SDCCAG8: variants seen among roughly 807,000 people sequenced by gnomAD.
SDCCAG8 encodes SHH signaling and ciliogenesis regulator SDCCAG8, also known as serologically defined colon cancer antigen 8.
Under a neutral mutation model 101.8 loss-of-function variants are expected in SDCCAG8, and 74 were observed. That is an observed-to-expected ratio of 0.73 (90% CI 0.60 to 0.88). The LOEUF (loss-of-function observed/expected upper bound fraction) is 0.88, where lower values mean the gene tolerates loss of function less well. Among genes scored for constraint, SDCCAG8 ranks in the 40% least tolerant of loss-of-function variants. The pLI, the probability that SDCCAG8 is intolerant of heterozygous loss-of-function variation, is 0.00. For synonymous variants in SDCCAG8, 281 were observed against 292.9 expected (o/e 0.96, Z 0.41); for missense variants, 787 against 822.6 (o/e 0.96, Z 0.53).
intron 13 of SDCCAG8, among the ~76,000 whole-genome samples, chr1:243,397,031 G>C (rs2079072093): frequency 6.6e-6 from 1 of 152,200 alleles, no homozygotes; most frequent in Non-Finnish European, 1.5e-5. Context: ...TGCCAGAATA[G>C]CCCTGGCAGA....
intron 13 of SDCCAG8, among the ~76,000 whole-genome samples, chr1:243,411,066 T>A (rs1235328396): frequency 6.6e-6 from 1 of 152,192 alleles, no homozygotes; most frequent in Non-Finnish European, 1.5e-5. Flanking sequence ...TAAAGGTGGA[T>A]GTTCCTATTC....
intron 13 of SDCCAG8, among the ~76,000 whole-genome samples, chr1:243,404,758 C>G (rs1247741022): frequency 6.6e-6 from 1 of 152,112 alleles, no homozygotes; most frequent in African/African-American, 2.4e-5. Context: ...TTTCTGTATA[C>G]ATGCACATTG....
rs767930611 is a variant in SDCCAG8, at chr1:243,304,759, C to A, written c.722C>A (p.Ser241Tyr). The change falls in exon 7 of 18, where the codon TCC (serine) becomes TAC (tyrosine). Residue 241 changes from serine to tyrosine, a missense_variant. Physicochemically the swap from Ser to Tyr is moderately radical, Grantham distance 144 (BLOSUM62 -2). Transcript: ENST00000366541. ...GAGGAAAAGTGTGAAATTGAGGAATCCCAATTGAAGTTTTTGAGGTAAAGT... is the reference window on the plus strand; with the variant it reads ...GAGGAAAAGTGTGAAATTGAGGAATACCAATTGAAGTTTTTGAGGTAAAGT... ...TYEEKCEIEE[S>Y]QLKFLRNDLA... The A allele has an allele frequency of 2.5e-6, 4 of 1,592,402 alleles. No homozygotes were observed. In the East Asian group the frequency reaches 9.0e-5, roughly 36 times the overall value.
At chr1:243,438,875 C>G (rs1279360998) in intron 16 of SDCCAG8, among the ~76,000 whole-genome samples, 1 of 152,176 alleles carries the variant, frequency 6.6e-6, no homozygotes, top group Non-Finnish European at 1.5e-5. Context: ...CTCGCATTAT[C>G]CAACTACTTC....
intron 4 of SDCCAG8, among the ~76,000 whole-genome samples, chr1:243,276,109 G>A (rs988374862): frequency 1.3e-5 from 2 of 151,936 alleles, no homozygotes; most frequent in African/African-American, 4.8e-5. Context: ...TGATCCGTCC[G>A]CCTTGGTCTC....
chr1:243,320,067 C>A (rs933600001), intron 9 of SDCCAG8, among the ~76,000 whole-genome samples: 2 of 152,278 alleles, frequency 1.3e-5, no homozygotes, highest in Admixed American at 6.5e-5. Context: ...ATTCACTCTC[C>A]CAAATCTGCT....
In SDCCAG8 at chr1:243,489,126, C is replaced by T. The variant is rs369591883; in HGVS notation, c.2098C>T (p.Arg700Trp). ...GCAGAGCCTGTCGGAAGAGGTGGAC[C>T]GGCTGCGGACCCAGGTACTGTGCAG... ...ERQSLSEEVDRLRTQLPSMPQ... is the reference protein window; with the variant it reads ...ERQSLSEEVDWLRTQLPSMPQ... Residue 700 changes from arginine to tryptophan, a missense_variant, in exon 17 of 18, where the codon CGG (arginine) becomes TGG (tryptophan). Physicochemically the swap from Arg to Trp is moderately radical, Grantham distance 101. Coordinates refer to ENST00000366541, the MANE Select transcript of SDCCAG8 (RefSeq NM_006642.5). 32 of 1,612,414 alleles carry T rather than the reference C, an allele frequency of 2.0e-5. No individual in the cohort carries two copies. The highest frequency in any genetic ancestry group is 8.3e-5 in the Admixed American group (5 of 59,972).
At chr1:243,326,740 T>C (rs905309410) in intron 9 of SDCCAG8, among the ~76,000 whole-genome samples, 1 of 152,230 alleles carries the variant, frequency 6.6e-6, no homozygotes, top group Non-Finnish European at 1.5e-5. Flanking sequence ...CATAAGATCT[T>C]AATTCCTTAG....
At chr1:243,317,456 G>A (rs1364883468) in intron 9 of SDCCAG8, among the ~76,000 whole-genome samples, 1 of 152,050 alleles carries the variant, frequency 6.6e-6, no homozygotes, top group Non-Finnish European at 1.5e-5. Flanking sequence ...AAGTAGCTGG[G>A]ATTACAGACA....
chr1:243,394,188 A>G (rs1410914596), intron 13 of SDCCAG8, among the ~76,000 whole-genome samples: 2 of 151,990 alleles, frequency 1.3e-5, no homozygotes, highest in East Asian at 3.9e-4. Flanking sequence ...CAATTTATTC[A>G]TTTTGGAGGG....
intron 17 of SDCCAG8, among the ~76,000 whole-genome samples, chr1:243,497,137 A>G (rs1191691278): frequency 2.0e-5 from 3 of 152,212 alleles, no homozygotes; most frequent in Non-Finnish European, 4.4e-5. Context: ...CTTCCTGGAA[A>G]TAAGCATCGT....
At chr1:243,496,837 C>T (rs1001150355) in intron 17 of SDCCAG8, among the ~76,000 whole-genome samples, 2 of 152,194 alleles carry the variant, frequency 1.3e-5, no homozygotes, top group Admixed American at 6.5e-5. Flanking sequence ...GAGATGACTC[C>T]GATAGGATTT....
chr1:243,425,548 G>A (rs930394331), intron 15 of SDCCAG8, among the ~76,000 whole-genome samples: 3 of 151,564 alleles, frequency 2.0e-5, no homozygotes, highest in African/African-American at 7.3e-5. Context: ...GGAGTCTTCA[G>A]AAAACAATCC....
intron 12 of SDCCAG8, among the ~76,000 whole-genome samples, chr1:243,354,147 G>T (rs2076257205): frequency 6.6e-6 from 1 of 152,170 alleles, no homozygotes; most frequent in Admixed American, 6.5e-5. Flanking sequence ...TTATTTCCCA[G>T]TGAAGTGAGA....
At position 243,363,668 on chromosome 1, in the gene SDCCAG8, C is replaced by G. The variant is rs6668828; in HGVS notation, c.1474-15053C>G. 7.1e-3 allele frequency among the ~76,000 whole-genome samples: 1,085 copies of G among 152,310 alleles called. 13 individuals are homozygous for G. The highest frequency in any genetic ancestry group is 0.024 in the African/African-American group (1,001 of 41,570). Reference sequence around the variant, plus strand: ...TGTCCTAATCATTTACCCTATATCTCTCTGTTCTATGCCTATTTTATTTTT... The same window carrying G: ...TGTCCTAATCATTTACCCTATATCTGTCTGTTCTATGCCTATTTTATTTTT... On this transcript the variant is annotated intron_variant, in intron 12 of 17. Transcript: ENST00000366541.
intron 16 of SDCCAG8, among the ~76,000 whole-genome samples, chr1:243,484,063 C>T (rs140584909): frequency 2.3e-3 from 348 of 152,284 alleles, no homozygotes; most frequent in Non-Finnish European, 4.1e-3. Context: ...TGCATAGCTG[C>T]CTGGTGGGTG....
At position 243,275,856 on chromosome 1, in the gene SDCCAG8, G is replaced by GTTT. The variant is rs11344816; in HGVS notation, c.420+1226_420+1228dup. 2.2e-4 allele frequency among the ~76,000 whole-genome samples: 13 copies of GTTT among 59,158 alleles called. 1 individual carries two copies. Among genetic ancestry groups the GTTT allele is most frequent in the East Asian group, 9.7e-4 (2 of 2,066 alleles). 38.8% of individuals were successfully genotyped at this position (59,158 alleles called of 152,430 possible). A position where few individuals can be genotyped will look rare whatever the true frequency, so the allele number is the denominator to read the frequency against. On this transcript the variant is annotated intron_variant, in intron 4 of 17. Transcript: ENST00000366541. ...TGGGAGAGAGAGATCTTGAACCAAT[G>GTTT]TTTTTTTTTTTTTTTTTTTTTTTTT...
chr1:243,294,701 C>A lies in SDCCAG8; in HGVS notation c.675+1482C>A, dbSNP rs993299946. 1.6e-4 allele frequency among the ~76,000 whole-genome samples: 14 copies of A among 85,112 alleles called. 1 individual carries two copies. The highest frequency in any genetic ancestry group is 6.7e-4 in the African/African-American group (13 of 19,448). The allele number at this position is 85,112 out of a possible 152,430, so 55.8% of individuals were successfully genotyped here. On this transcript the variant is annotated intron_variant, in intron 6 of 17. Transcript: ENST00000366541. ...CATACTGTGACTTTCTAAATTCCCC[C>A]CCCCCCCCACAGCTGCCTTTGAACG...
chr1:243,312,900 ACCTTTCG>A lies in SDCCAG8; in HGVS notation c.930-3848_930-3842del, dbSNP rs982880479. 1.1e-4 allele frequency among the ~76,000 whole-genome samples: 17 copies of A among 152,262 alleles called. No homozygotes were observed. The East Asian group carries it at 2.7e-3, about 24-fold the overall frequency. On this transcript the variant is annotated intron_variant, in intron 8 of 17. Coordinates refer to ENST00000366541, the MANE Select transcript of SDCCAG8 (RefSeq NM_006642.5). ...ATTTGAAGTCTTCATATTGTTTCCG[ACCTTTCG>A]CCTTTCACTTGGCCTCTTTATGCCA...
Sources: allele counts gnomAD v4.1 joint callset (sites outside exome capture counted in the v4.1 genomes callset), GRCh38; gene constraint gnomAD v4.1.1; transcripts MANE v1.5; gene names NCBI Gene and HGNC (gene_info 2026-07-23, HGNC 2026-07-21).